CABCOCO1: variants seen among roughly 807,000 people sequenced by gnomAD.
CABCOCO1 encodes ciliary associated calcium binding coiled-coil 1, also known as ciliary-associated calcium-binding coiled-coil protein 1.
CABCOCO1 carries 28 observed loss-of-function variants against 35.7 expected under a neutral mutation model. The observed-to-expected ratio is 0.78, with a 90% confidence interval of 0.58 to 1.07. CABCOCO1 has a LOEUF of 1.07. CABCOCO1 is among the 50% of genes least tolerant of loss of function. The probability of loss-of-function intolerance (pLI) is 0.00; values close to 1 mark genes in which losing one functional copy is unlikely to be tolerated. For synonymous variants in CABCOCO1, 95 were observed against 100.1 expected (o/e 0.95, Z 0.30); for missense variants, 326 against 309.2 (o/e 1.05, Z -0.41).
At chr10:61,710,477 T>C (rs1197682173) in intron 5 of CABCOCO1, among the ~76,000 whole-genome samples, 1 of 151,900 alleles carries the variant, frequency 6.6e-6, no homozygotes, top group South Asian at 2.1e-4. Flanking sequence ...CTTTTTAAAA[T>C]AGTGGAAATA....
In CABCOCO1 at chr10:61,713,494, C is replaced by T. The variant is rs1238833096; in HGVS notation, c.552+22873C>T. ...GACTTCCTCTTTTCCTAATTGAATA[C>T]GCTTTATTTCTTTCTCTTGCCTGAT... On this transcript the variant is annotated intron_variant, in intron 5 of 7. Transcript: ENST00000648843. Among the ~76,000 whole-genome samples the T allele has an allele frequency of 4.6e-5, 7 of 152,110 alleles. No individual in the cohort carries two copies. The South Asian group carries it at 6.2e-4, about 13-fold the overall frequency.
At chr10:61,677,491 T>C (rs994228006) in intron 2 of CABCOCO1, among the ~76,000 whole-genome samples, 8 of 152,198 alleles carry the variant, frequency 5.3e-5, no homozygotes, top group African/African-American at 1.4e-4. Flanking sequence ...ACTAATCCTT[T>C]TTCAGTTATG....
chr10:61,707,396 A>G (rs188682669), intron 5 of CABCOCO1, among the ~76,000 whole-genome samples: 184 of 152,254 alleles, frequency 1.2e-3, no homozygotes, highest in Non-Finnish European at 2.2e-3. Context: ...GCAGGATGCA[A>G]AGAAAAGAAA....
intron 2 of CABCOCO1, among the ~76,000 whole-genome samples, chr10:61,677,117 T>C (rs914911634): frequency 6.6e-6 from 1 of 150,692 alleles, no homozygotes; most frequent in Admixed American, 6.6e-5. Flanking sequence ...GATTAGTAGA[T>C]GTTAAGATTA....
intron 2 of CABCOCO1, among the ~76,000 whole-genome samples, chr10:61,675,740 A>C (rs959449031): frequency 6.6e-6 from 1 of 152,106 alleles, no homozygotes; most frequent in African/African-American, 2.4e-5. Flanking sequence ...CAAAAAAAAA[A>C]CATGGTAAAA....
intron 5 of CABCOCO1, among the ~76,000 whole-genome samples, chr10:61,700,242 G>A (rs995430708): frequency 6.6e-6 from 1 of 151,956 alleles, no homozygotes; most frequent in Admixed American, 6.6e-5. Context: ...TATTCTAGGG[G>A]AGGGAAACAT....
chr10:61,728,138 T>A (rs1275984953), intron 5 of CABCOCO1, among the ~76,000 whole-genome samples: 1 of 152,210 alleles, frequency 6.6e-6, no homozygotes, highest in East Asian at 1.9e-4. Context: ...GACATGGGTG[T>A]TTTATCTTTC....
Position 61,740,359 on chromosome 10 carries a change from C to T in CABCOCO1, c.553-19700C>T, listed in dbSNP as rs1266894812. On this transcript the variant is annotated intron_variant, in intron 5 of 7. Transcript: ENST00000648843. ...TGTCTGTGTGTCCTTTGTGGGCAGG[C>T]TCTGGACATGTGTGAGTAATGGAGG... is the stretch of plus-strand genomic sequence containing the variant. Among the ~76,000 whole-genome samples, 7 of 152,158 alleles carry T rather than the reference C, an allele frequency of 4.6e-5. No individual in the cohort carries two copies. In the East Asian group the frequency reaches 1.2e-3, roughly 25 times the overall value.
intron 5 of CABCOCO1, among the ~76,000 whole-genome samples, chr10:61,692,276 G>C (rs1840169519): frequency 6.6e-6 from 1 of 152,080 alleles, no homozygotes; most frequent in South Asian, 2.1e-4. Flanking sequence ...ATGTTCGTTG[G>C]CCACATAAAT....
In CABCOCO1 at chr10:61,685,182, T is replaced by A. The variant is rs1262753274; in HGVS notation, c.335-859T>A. 3 of 152,248 alleles carry A rather than the reference T, an allele frequency of 2.0e-5. No individual in the cohort carries two copies. In the East Asian group the frequency reaches 5.8e-4, roughly 29 times the overall value. The allele number at this position is 152,248 out of a possible 1,614,324, so 9.4% of individuals were successfully genotyped here. ...CTGTGGAAAAGAAAAAAAAACTTGATGTTTTACATAAAAATCCATATTTCT... is the reference window on the plus strand; with the variant it reads ...CTGTGGAAAAGAAAAAAAAACTTGAAGTTTTACATAAAAATCCATATTTCT... On this transcript the variant is annotated intron_variant, in intron 3 of 7. Coordinates refer to ENST00000648843, the MANE Select transcript of CABCOCO1 (RefSeq NM_001366906.2).
chr10:61,707,927 G>T (rs575116743), intron 5 of CABCOCO1, among the ~76,000 whole-genome samples: 1 of 152,022 alleles, frequency 6.6e-6, no homozygotes, highest in African/African-American at 2.4e-5. Flanking sequence ...TACCATTAAC[G>T]ATTTTCTTAA....
chr10:61,718,665 C>T (rs1840925298), intron 5 of CABCOCO1, among the ~76,000 whole-genome samples: 1 of 152,078 alleles, frequency 6.6e-6, no homozygotes, highest in African/African-American at 2.4e-5. Flanking sequence ...GGTCTTTGTC[C>T]TTGTCTACAA....
chr10:61,696,652 C>T (rs1290034461), intron 5 of CABCOCO1, among the ~76,000 whole-genome samples: 33 of 151,996 alleles, frequency 2.2e-4, no homozygotes, highest in Admixed American at 2.0e-3. Flanking sequence ...CACACACCCT[C>T]ATACCCGGCT....
chr10:61,685,130 C>G (rs1839916934), intron 3 of CABCOCO1: 1 of 152,030 alleles, frequency 6.6e-6, no homozygotes, highest in African/African-American at 2.4e-5. Flanking sequence ...ATTTGAGAAA[C>G]AGCTTACATG....
At position 61,688,154 on chromosome 10, in the gene CABCOCO1, G is replaced by A. The variant is rs116072269; in HGVS notation, c.479+1969G>A. 2.3e-3 allele frequency among the ~76,000 whole-genome samples: 356 copies of A among 152,036 alleles called. 2 individuals are homozygous for A. Among genetic ancestry groups the A allele is most frequent in the African/African-American group, 8.1e-3 (335 of 41,482 alleles). On this transcript the variant is annotated intron_variant, in intron 4 of 7. Coordinates refer to ENST00000648843, the MANE Select transcript of CABCOCO1 (RefSeq NM_001366906.2). ...TGCACATGTACCCTTAAAGTTAAAA[G>A]TTGAAGGAAAAAAAACAGTTTAATG...
At chr10:61,721,073 C>A (rs1377238172) in intron 5 of CABCOCO1, among the ~76,000 whole-genome samples, 2 of 151,518 alleles carry the variant, frequency 1.3e-5, no homozygotes, top group African/African-American at 4.8e-5. Flanking sequence ...TACACGCGCC[C>A]GCCACCACGC....
intron 2 of CABCOCO1, among the ~76,000 whole-genome samples, chr10:61,676,484 A>G (rs1839515619): frequency 6.6e-6 from 1 of 152,188 alleles, no homozygotes; most frequent in Admixed American, 6.5e-5. Context: ...CCAAAATAAA[A>G]TTGAATTGAA....
intron 5 of CABCOCO1, among the ~76,000 whole-genome samples, chr10:61,716,388 G>A (rs2132035718): frequency 6.6e-6 from 1 of 152,250 alleles, no homozygotes; most frequent in Admixed American, 6.5e-5. Context: ...CAGTCACAGA[G>A]TCAGCTAGGA....
At chr10:61,699,438 T>C (rs898606873) in intron 5 of CABCOCO1, among the ~76,000 whole-genome samples, 2 of 152,266 alleles carry the variant, frequency 1.3e-5, no homozygotes, top group Middle Eastern at 3.4e-3. Context: ...CACCCAAGTC[T>C]TCCCATCTGT....
Sources: allele counts gnomAD v4.1 joint callset (sites outside exome capture counted in the v4.1 genomes callset), GRCh38; gene constraint gnomAD v4.1.1; transcripts MANE v1.5; gene names NCBI Gene and HGNC (gene_info 2026-07-23, HGNC 2026-07-21).